The following SIPA1L3 variants were observed in gnomAD, a reference collection of about 807,000 sequenced individuals.
SIPA1L3 encodes signal induced proliferation associated 1 like 3.
In SIPA1L3, 59 loss-of-function variants were observed where a neutral mutation model predicts 150.1. That is an observed-to-expected ratio of 0.39 (90% CI 0.32 to 0.49). The LOEUF (loss-of-function observed/expected upper bound fraction) is 0.49, where lower values mean the gene tolerates loss of function less well. SIPA1L3 is among the 20% of genes least tolerant of loss of function. SIPA1L3 has a pLI of 0.86. For synonymous variants in SIPA1L3, 1,070 were observed against 1,077.6 expected, an observed-to-expected ratio of 0.99 and a Z score of 0.14; for missense variants, 2,211 against 2,489.5, an observed-to-expected ratio of 0.89 and a Z score of 2.38.
At chr19:38,133,050 A>G (rs1478653541) in intron 10 of SIPA1L3, among the ~76,000 whole-genome samples, 1 of 152,140 alleles carries the variant, frequency 6.6e-6, no homozygotes, top group Non-Finnish European at 1.5e-5. Context: ...CCTTTAGCCT[A>G]TTGCTCCACC....
intron 1 of SIPA1L3, among the ~76,000 whole-genome samples, chr19:38,018,868 C>T (rs1227039575): frequency 1.3e-5 from 2 of 152,154 alleles, no homozygotes; most frequent in African/African-American, 2.4e-5. Context: ...CATCCTACCC[C>T]ACACAGTGTC....
intron 1 of SIPA1L3, chr19:37,964,397 A>AATAT (rs2046884632): frequency 6.6e-6 from 1 of 152,306 alleles, no homozygotes; most frequent in Non-Finnish European, 1.5e-5. Flanking sequence ...GTCTCAAAAA[A>AATAT]ATAAGATAAA....
chr19:38,042,626 C>G (rs1968952847), intron 2 of SIPA1L3, among the ~76,000 whole-genome samples: 1 of 152,024 alleles, frequency 6.6e-6, no homozygotes, highest in Admixed American at 6.6e-5. Flanking sequence ...GCACTTGTTC[C>G]AAAATAAAAT....
rs1973212976 is a variant in SIPA1L3, at chr19:38,206,333, C to T, written c.*93C>T. ...ACTCAGCTCCCAGCTGCCGGTGTGA[C>T]CAAGATGACCCATCCAGGGCCCTCC... On this transcript the variant is annotated 3_prime_UTR_variant, in exon 22 of 22. Coordinates refer to ENST00000222345, the MANE Select transcript of SIPA1L3 (RefSeq NM_015073.3). 2 of 1,407,542 alleles carry T rather than the reference C, an allele frequency of 1.4e-6. No individual in the cohort carries two copies. The highest frequency in any genetic ancestry group is 9.5e-7 in the Non-Finnish European group (1 of 1,050,306). 87.2% of individuals were successfully genotyped at this position (1,407,542 alleles called of 1,614,324 possible).
intron 12 of SIPA1L3, among the ~76,000 whole-genome samples, chr19:38,149,108 G>A (rs1971766042): frequency 6.6e-6 from 1 of 152,160 alleles, no homozygotes; most frequent in Non-Finnish European, 1.5e-5. Flanking sequence ...CTTGTTAGTT[G>A]GGTGGGGCAC....
intron 1 of SIPA1L3, among the ~76,000 whole-genome samples, chr19:37,914,911 G>C (rs1568462158): frequency 6.6e-6 from 1 of 152,148 alleles, no homozygotes; most frequent in Non-Finnish European, 1.5e-5. Context: ...CCTGACAGTA[G>C]TCCAGTGAAG....
rs1568573419 is a variant in SIPA1L3 at position 38,142,612 on chromosome 19, A to G, written c.3435A>G (p.Pro1145=). 1 of 1,613,920 alleles carries G rather than the reference A, an allele frequency of 6.2e-7. No homozygotes were observed. Among genetic ancestry groups the G allele is most frequent in the Non-Finnish European group, 8.5e-7 (1 of 1,179,904 alleles). The change falls in exon 12 of 22, where the codon CCA becomes CCG. Residue 1145 remains proline, a synonymous_variant. Transcript: ENST00000222345. ...SFPETPYTVS[P]AGADRVPPYR... is the part of the protein sequence containing the mutation. ...CAGAAACCCCTTACACAGTATCACC[A>G]GCAGGGGCCGACAGAGTCCCTCCCT... is the stretch of plus-strand genomic sequence containing the variant.
At chr19:38,045,403 T>G (rs977965578) in intron 2 of SIPA1L3, among the ~76,000 whole-genome samples, 1 of 141,834 alleles carries the variant, frequency 7.1e-6, no homozygotes, top group Non-Finnish European at 1.5e-5. Context: ...TACCAAATAA[T>G]CACTCAGCCA....
chr19:38,035,330 CT>C (rs1481614351), intron 2 of SIPA1L3, among the ~76,000 whole-genome samples: 1 of 152,198 alleles, frequency 6.6e-6, no homozygotes, highest in African/African-American at 2.4e-5. Flanking sequence ...TCCTGCTCCT[CT>C]TGCTGGGCAC....
At chr19:38,124,091 G>A (rs570752767) in intron 9 of SIPA1L3, among the ~76,000 whole-genome samples, 19 of 149,910 alleles carry the variant, frequency 1.3e-4, no homozygotes, top group African/African-American at 2.7e-4. Flanking sequence ...GCGGCTGGCC[G>A]GGCGGGGGGC....
At chr19:37,925,631 G>C (rs1026180606) in intron 1 of SIPA1L3, among the ~76,000 whole-genome samples, 1 of 114,762 alleles carries the variant, frequency 8.7e-6, no homozygotes, top group Admixed American at 1.3e-4. Flanking sequence ...GTCTCACTCT[G>C]TTGCCAGGCT....
At chr19:38,002,871 A>G (rs1967841997) in intron 1 of SIPA1L3, among the ~76,000 whole-genome samples, 1 of 151,150 alleles carries the variant, frequency 6.6e-6, no homozygotes, top group South Asian at 2.1e-4. Context: ...CTGGCAGGGC[A>G]CAGTGGCTCA....
chr19:38,082,407 A>T lies in SIPA1L3; in HGVS notation c.842A>T (p.Glu281Val). Residue 281 changes from glutamate (E) to valine (V), a missense_variant, in exon 3 of 22, where the codon GAG becomes GTG. By Grantham distance (121) the Glu-to-Val change is moderately radical. Around this residue, in one of 5 missense-constraint regions of SIPA1L3, gnomAD observed 587 missense variants for 534.5 expected, o/e 1.10. Transcript: ENST00000222345. ...CCACTGCAGCCCACGAAGGAGAAGG[A>T]GAAGGCCCGGAAGAAACCTGCGCGG... ...LLPLQPTKEK[E>V]KARKKPARGL... 6.3e-7 allele frequency: 1 copy of T among 1,598,344 alleles called. No individual in the cohort carries two copies. Among genetic ancestry groups the T allele is most frequent in the South Asian group, 1.1e-5 (1 of 90,426 alleles).
rs183946409 is a variant in SIPA1L3, at chr19:38,079,654, C to T, written c.-310-1602C>T. Among the ~76,000 whole-genome samples, 654 of 151,162 alleles carry T rather than the reference C, an allele frequency of 4.3e-3. 1 individual carries two copies. The highest frequency in any genetic ancestry group is 0.015 in the African/African-American group (623 of 41,124). ...TCATGCAATCTCAACCTCCCGGGTT[C>T]GAGTGATCCTTTTACCTCAGCCCCC... On this transcript the variant is annotated intron_variant, in intron 2 of 21. Coordinates refer to ENST00000222345, the MANE Select transcript of SIPA1L3 (RefSeq NM_015073.3).
intron 10 of SIPA1L3, among the ~76,000 whole-genome samples, chr19:38,136,330 G>A (rs977056395): frequency 2.6e-5 from 4 of 151,860 alleles, no homozygotes; most frequent in Non-Finnish European, 5.9e-5. Context: ...AGGGCCAGAC[G>A]CAGTGGCTCA....
chr19:37,944,946 A>C (rs984188976), intron 1 of SIPA1L3, among the ~76,000 whole-genome samples: 3 of 152,096 alleles, frequency 2.0e-5, no homozygotes, highest in African/African-American at 7.2e-5. Flanking sequence ...GCGAGACTCC[A>C]TCTCATAAAT....
At chr19:38,204,300 G>A (rs555491299) in intron 21 of SIPA1L3, 92 bp downstream of exon 21, 2 of 978,980 alleles carry the variant, frequency 2.0e-6, no homozygotes, top group East Asian at 5.3e-5. Context: ...CGCCATGCAG[G>A]ACCCACCCCA....
intron 1 of SIPA1L3, among the ~76,000 whole-genome samples, chr19:38,011,673 T>G (rs1450329760): frequency 2.0e-5 from 3 of 151,962 alleles, no homozygotes; most frequent in Non-Finnish European, 4.4e-5. Context: ...GCGGGAGCAT[T>G]TGGGTGATGG....
intron 1 of SIPA1L3, among the ~76,000 whole-genome samples, chr19:37,980,947 A>C (rs1178605730): frequency 2.6e-5 from 4 of 152,226 alleles, no homozygotes; most frequent in Non-Finnish European, 5.9e-5. Context: ...CACGGGACAC[A>C]TCCCATCAGT....
Sources: gnomAD v4.1 joint callset for allele counts (sites outside exome capture counted in the v4.1 genomes callset) on GRCh38, gnomAD v4.1.1 for gene constraint, gnomAD v4.1.1 regional missense constraint, MANE v1.5 for transcripts, NCBI Gene and HGNC (gene_info 2026-07-23, HGNC 2026-07-21) for gene names.